ARID5B: variants seen among roughly 807,000 people sequenced by gnomAD.
ARID5B encodes AT-rich interaction domain 5B.
A neutral mutation model predicts 97.2 loss-of-function variants in ARID5B; 13 were observed. The ratio of observed to expected loss-of-function variants is 0.13; its 90% CI spans 0.09 to 0.21. The LOEUF is 0.21. Among genes scored for constraint, ARID5B ranks in the 10% least tolerant of loss-of-function variants. The pLI is 1.00. For missense variants in ARID5B, 1,210 were observed against 1,465.3 expected (o/e 0.83, Z 2.84); for synonymous variants, 556 against 570.3 (o/e 0.97, Z 0.36).
chr10:61,902,912 G>A (rs767453674), intron 2 of ARID5B, among the ~76,000 whole-genome samples: 7 of 152,072 alleles, frequency 4.6e-5, no homozygotes, highest in Non-Finnish European at 1.0e-4. Context: ...GAGGCAGAAT[G>A]AGATCAAAAG....
intron 4 of ARID5B, among the ~76,000 whole-genome samples, chr10:62,020,114 T>C (rs1219334297): frequency 2.6e-5 from 4 of 152,126 alleles, no homozygotes; most frequent in Non-Finnish European, 5.9e-5. Context: ...GATGGGAACA[T>C]GTTTGAGTTT....
At chr10:62,045,274 T>C (rs1332089368) in intron 4 of ARID5B, among the ~76,000 whole-genome samples, 1 of 152,208 alleles carries the variant, frequency 6.6e-6, no homozygotes, top group African/African-American at 2.4e-5. Context: ...CTTTTACTCA[T>C]ACGTTAATAA....
chr10:61,975,131 T>C (rs2132838518), intron 3 of ARID5B, among the ~76,000 whole-genome samples: 1 of 152,276 alleles, frequency 6.6e-6, no homozygotes, highest in South Asian at 2.1e-4. Context: ...GAATTCAAAA[T>C]GCAAAGCAGC....
chr10:62,082,844 C>T (rs1840231255), intron 8 of ARID5B, among the ~76,000 whole-genome samples: 2 of 152,146 alleles, frequency 1.3e-5, no homozygotes, highest in African/African-American at 2.4e-5. Context: ...GAAAATTGCA[C>T]CAAACGGAAA....
intron 3 of ARID5B, among the ~76,000 whole-genome samples, chr10:61,968,132 G>A (rs548577111): frequency 6.3e-5 from 9 of 143,640 alleles, no homozygotes; most frequent in African/African-American, 2.1e-4. Flanking sequence ...CTAATCTAGT[G>A]TGCCACAATA....
intron 2 of ARID5B, among the ~76,000 whole-genome samples, chr10:61,921,323 CCCCAGCTGT>C (rs1192664633): frequency 6.6e-6 from 1 of 152,156 alleles, no homozygotes; most frequent in African/African-American, 2.4e-5. Context: ...AAGGTGTCCT[CCCCAGCTGT>C]GGCCATCTGA....
intron 2 of ARID5B, among the ~76,000 whole-genome samples, chr10:61,921,883 C>T (rs72833349): frequency 0.26 from 40,216 of 151,886 alleles, 6,348 homozygotes; most frequent in Non-Finnish European, 0.35. Context: ...ACTCTGTCAC[C>T]TGGGTCGGAG....
chr10:61,992,050 A>G (rs1252173368), intron 3 of ARID5B, among the ~76,000 whole-genome samples: 1 of 152,088 alleles, frequency 6.6e-6, no homozygotes, highest in Non-Finnish European at 1.5e-5. Context: ...AAAAAAGTGA[A>G]TGGCTGACTC....
At chr10:61,964,050 A>G (rs774437295) in intron 3 of ARID5B, among the ~76,000 whole-genome samples, 1 of 152,170 alleles carries the variant, frequency 6.6e-6, no homozygotes, top group Non-Finnish European at 1.5e-5. Context: ...GGGGTCAAAT[A>G]TAGAGATCAA....
chr10:61,996,746 G>C (rs1199188264), intron 3 of ARID5B, among the ~76,000 whole-genome samples: 1 of 151,950 alleles, frequency 6.6e-6, no homozygotes, highest in African/African-American at 2.4e-5. Context: ...TTTTAGTTAA[G>C]AGGGCTTTTA....
intron 4 of ARID5B, among the ~76,000 whole-genome samples, chr10:62,031,701 C>T (rs1425757997): frequency 6.6e-6 from 1 of 152,056 alleles, no homozygotes; most frequent in Non-Finnish European, 1.5e-5. Context: ...GCAGTTGAAG[C>T]CTGTAAGAAA....
intron 9 of ARID5B, among the ~76,000 whole-genome samples, chr10:62,088,740 G>A (rs1333198886): frequency 6.6e-6 from 1 of 152,066 alleles, no homozygotes; most frequent in Non-Finnish European, 1.5e-5. Context: ...ACTCTATTTG[G>A]GGTTTTTGGT....
intron 3 of ARID5B, among the ~76,000 whole-genome samples, chr10:61,987,553 G>A (rs1169586778): frequency 6.6e-6 from 1 of 152,148 alleles, no homozygotes; most frequent in Non-Finnish European, 1.5e-5. Flanking sequence ...CTAGATCAAG[G>A]GTCAGCAGAG....
intron 5 of ARID5B, among the ~76,000 whole-genome samples, chr10:62,055,014 G>T (rs1839837028): frequency 6.6e-6 from 1 of 152,174 alleles, no homozygotes; most frequent in African/African-American, 2.4e-5. Flanking sequence ...GTGCTCAATT[G>T]AAAACTGATT....
intron 2 of ARID5B, among the ~76,000 whole-genome samples, chr10:61,920,457 T>G (rs926862885): frequency 2.0e-5 from 3 of 151,888 alleles, no homozygotes; most frequent in South Asian, 2.1e-4. Flanking sequence ...CTCAGCCTCC[T>G]GAGTAGCTGG....
At chr10:61,959,232 G>A (rs1462879141) in intron 3 of ARID5B, among the ~76,000 whole-genome samples, 2 of 152,160 alleles carry the variant, frequency 1.3e-5, no homozygotes. Flanking sequence ...TAATCAAATT[G>A]TTTCATATAA....
chr10:61,911,054 C>T (rs541358849), intron 2 of ARID5B, among the ~76,000 whole-genome samples: 4 of 152,266 alleles, frequency 2.6e-5, no homozygotes, highest in Non-Finnish European at 4.4e-5. Flanking sequence ...CAAGCACACC[C>T]GGGCTATGAA....
At chr10:62,051,186 C>T in intron 5 of ARID5B, 186 bp downstream of exon 5, 2 of 671,638 alleles carry the variant, frequency 3.0e-6, no homozygotes, top group South Asian at 1.6e-5. Flanking sequence ...TTGCCGTGGG[C>T]TGGGGGAGGT....
At chr10:61,903,152 G>T (rs1001691596) in intron 2 of ARID5B, among the ~76,000 whole-genome samples, 8 of 150,540 alleles carry the variant, frequency 5.3e-5, no homozygotes, top group African/African-American at 1.9e-4. Flanking sequence ...CCTCCTGCGC[G>T]ATCTTTGGGG....
Sources: allele counts gnomAD v4.1 joint callset (sites outside exome capture counted in the v4.1 genomes callset), GRCh38; gene constraint gnomAD v4.1.1; transcripts MANE v1.5; gene names NCBI Gene and HGNC (gene_info 2026-07-23, HGNC 2026-07-21).